The following SLX4IP variants were observed in gnomAD, a reference collection of about 807,000 sequenced individuals.
SLX4IP encodes the protein SLX4 interacting protein.
SLX4IP carries 34 observed loss-of-function variants against 32.9 expected under a neutral mutation model. The observed-to-expected ratio is 1.03, with a 90% confidence interval of 0.79 to 1.38. The LOEUF is 1.38. SLX4IP is among the 40% of genes most tolerant of loss of function. SLX4IP has a pLI of 0.00. For synonymous variants in SLX4IP, 172 were observed against 171.7 expected (o/e 1.00, Z -0.01); for missense variants, 444 against 479.0 (o/e 0.93, Z 0.68).
intron 1 of SLX4IP, among the ~76,000 whole-genome samples, chr20:10,453,251 C>T (rs545414903): frequency 6.6e-6 from 1 of 152,144 alleles, no homozygotes; most frequent in Non-Finnish European, 1.5e-5. Flanking sequence ...GTTTAGCTTT[C>T]CATGTACCTG....
intron 2 of SLX4IP, among the ~76,000 whole-genome samples, chr20:10,553,789 A>G (rs1650215057): frequency 6.6e-6 from 1 of 152,228 alleles, no homozygotes; most frequent in African/African-American, 2.4e-5. Flanking sequence ...CTTTCATTAA[A>G]ATAAAATGCT....
chr20:10,478,884 C>T (rs1371031926), intron 2 of SLX4IP, among the ~76,000 whole-genome samples: 1 of 152,202 alleles, frequency 6.6e-6, no homozygotes, highest in Non-Finnish European at 1.5e-5. Context: ...GCTCCTTTGG[C>T]TTACCAAGTG....
intron 4 of SLX4IP, among the ~76,000 whole-genome samples, chr20:10,580,714 C>T (rs775446420): frequency 2.6e-5 from 4 of 151,822 alleles, no homozygotes; most frequent in East Asian, 2.0e-4. Context: ...GGTTCCGGTT[C>T]GATTATTACT....
At chr20:10,569,844 T>C (rs1159686300) in intron 4 of SLX4IP, among the ~76,000 whole-genome samples, 1 of 152,204 alleles carries the variant, frequency 6.6e-6, no homozygotes, top group Non-Finnish European at 1.5e-5. Flanking sequence ...AGGATGCCAG[T>C]TACATTGGAT....
Position 10,580,875 on chromosome 20 carries a change from A to G in SLX4IP, c.239-17800A>G, listed in dbSNP as rs2066578098. ...TGGAATGCCTCACATATACAGACAT[A>G]TATACTCCAGTTTGCTGCCAAACTG... On this transcript the variant is annotated intron_variant, in intron 4 of 7. Coordinates refer to ENST00000334534, the MANE Select transcript of SLX4IP (RefSeq NM_001009608.3). Among the ~76,000 whole-genome samples the G allele has an allele frequency of 2.6e-5, 4 of 152,102 alleles. No individual in the cohort carries two copies. In the South Asian group the frequency reaches 8.3e-4, roughly 32 times the overall value.
At chr20:10,443,561 G>A (rs2065175738) in intron 1 of SLX4IP, among the ~76,000 whole-genome samples, 1 of 152,194 alleles carries the variant, frequency 6.6e-6, no homozygotes, top group Non-Finnish European at 1.5e-5. Context: ...GCATGCATGG[G>A]TGAAGGCAGG....
intron 5 of SLX4IP, 45 bp from the exon 6 acceptor site, chr20:10,601,686 T>C (rs747240600): frequency 9.3e-6 from 14 of 1,508,974 alleles, no homozygotes; most frequent in Admixed American, 6.8e-5. Context: ...TCTGTGTTTA[T>C]AGTTTTTTGA....
At chr20:10,562,377 A>G (rs2066342878) in intron 4 of SLX4IP, among the ~76,000 whole-genome samples, 1 of 151,692 alleles carries the variant, frequency 6.6e-6, no homozygotes, top group Non-Finnish European at 1.5e-5. Flanking sequence ...CAGCTGCCGG[A>G]CTCTCCGACT....
At chr20:10,559,073 T>C (rs1439514517) in intron 3 of SLX4IP, among the ~76,000 whole-genome samples, 1 of 152,164 alleles carries the variant, frequency 6.6e-6, no homozygotes, top group Non-Finnish European at 1.5e-5. Context: ...ACATATTTTC[T>C]AGCCCAGTCA....
At chr20:10,489,331 C>T (rs1453632528) in intron 2 of SLX4IP, among the ~76,000 whole-genome samples, 1 of 152,122 alleles carries the variant, frequency 6.6e-6, no homozygotes, top group Non-Finnish European at 1.5e-5. Context: ...CCCCTCTTCA[C>T]CAGTTATCTT....
rs1555807614 is a variant in SLX4IP at position 10,479,352 on chromosome 20, C to CTTTTTTCTTTT, written c.27+21127_27+21128insCTTTTTTTTTT. ...TTCTCATCGCTCAAATTCCATATTT[C>CTTTTTTCTTTT]TTTTTTTTTTTTTTTTTTGAGATGG... On this transcript the variant is annotated intron_variant, in intron 2 of 7. Coordinates refer to ENST00000334534, the MANE Select transcript of SLX4IP (RefSeq NM_001009608.3). Among the ~76,000 whole-genome samples, 2 of 73,726 alleles carry CTTTTTTCTTTT rather than the reference C, an allele frequency of 2.7e-5. 1 individual carries two copies. The highest frequency in any genetic ancestry group is 6.7e-5 in the Non-Finnish European group (2 of 29,924). 48.4% of individuals were successfully genotyped at this position (73,726 alleles called of 152,430 possible).
At chr20:10,615,686 C>A (rs547255729) in intron 6 of SLX4IP, among the ~76,000 whole-genome samples, 1 of 152,304 alleles carries the variant, frequency 6.6e-6, no homozygotes, top group South Asian at 2.1e-4. Context: ...ATACCCAAGA[C>A]TGGTAACTTA....
chr20:10,557,871 A>G (rs943466908), intron 3 of SLX4IP, among the ~76,000 whole-genome samples: 4 of 152,192 alleles, frequency 2.6e-5, no homozygotes, highest in Non-Finnish European at 5.9e-5. Context: ...GTGGATGCTC[A>G]TAGTACCTAC....
chr20:10,623,678 T>C lies in SLX4IP; in HGVS notation c.*299T>C. 1 of 382,488 alleles carries C rather than the reference T, an allele frequency of 2.6e-6. No homozygotes were observed. 23.7% of individuals were successfully genotyped at this position (382,488 alleles called of 1,614,324 possible). A position where few individuals can be genotyped will look rare whatever the true frequency, so the allele number is the denominator to read the frequency against. On this transcript the variant is annotated 3_prime_UTR_variant, in exon 8 of 8. Coordinates refer to ENST00000334534, the MANE Select transcript of SLX4IP (RefSeq NM_001009608.3). The stretch of plus-strand genomic sequence containing the variant: ...GGGAGGAGACTGTGCAAGGACTGCA[T>C]GAAGAAACTGATCATGAGCCCCTTC...
intron 5 of SLX4IP, among the ~76,000 whole-genome samples, chr20:10,601,026 G>A (rs539108975): frequency 6.6e-6 from 1 of 152,238 alleles, no homozygotes; most frequent in South Asian, 2.1e-4. Flanking sequence ...TTACCATCTT[G>A]CCTTCCTTTC....
chr20:10,602,318 C>G (rs1029054495), intron 6 of SLX4IP, among the ~76,000 whole-genome samples: 7 of 152,056 alleles, frequency 4.6e-5, no homozygotes, highest in Admixed American at 6.6e-5. Context: ...GTCTCTCTGT[C>G]TCTCTGTCTC....
chr20:10,543,920 T>G (rs2066136505), intron 2 of SLX4IP, among the ~76,000 whole-genome samples: 1 of 152,204 alleles, frequency 6.6e-6, no homozygotes, highest in East Asian at 1.9e-4. Flanking sequence ...TAGTTTTTCA[T>G]AATTGGGGTT....
intron 6 of SLX4IP, among the ~76,000 whole-genome samples, chr20:10,609,058 T>C (rs1274268223): frequency 6.6e-6 from 1 of 152,094 alleles, no homozygotes; most frequent in East Asian, 1.9e-4. Context: ...GTGGGAGTTC[T>C]GTTAACCAAC....
At chr20:10,501,416 C>T (rs970458446) in intron 2 of SLX4IP, among the ~76,000 whole-genome samples, 1 of 152,186 alleles carries the variant, frequency 6.6e-6, no homozygotes, top group Non-Finnish European at 1.5e-5. Context: ...AAGGAGCTGT[C>T]CTCATCTGTA....
Sources: gnomAD v4.1 joint callset for allele counts (sites outside exome capture counted in the v4.1 genomes callset) on GRCh38, gnomAD v4.1.1 for gene constraint, MANE v1.5 for transcripts, NCBI Gene and HGNC (gene_info 2026-07-23, HGNC 2026-07-21) for gene names.